BLMH: variants seen among roughly 807,000 people sequenced by gnomAD.
BLMH encodes BLM hydrolase.
Under a neutral mutation model 61.6 loss-of-function variants are expected in BLMH, and 32 were observed. The observed-to-expected ratio is 0.52, with a 90% confidence interval of 0.39 to 0.70. The LOEUF (loss-of-function observed/expected upper bound fraction) is 0.70. Ranked by LOEUF, BLMH falls within the 30% of genes least tolerant of loss-of-function variation. BLMH has a pLI of 0.00. For missense variants in BLMH, 460 were observed against 555.5 expected, an observed-to-expected ratio of 0.83 and a Z score of 1.73; for synonymous variants, 183 against 193.8, an observed-to-expected ratio of 0.94 and a Z score of 0.46.
intron 11 of BLMH, among the ~76,000 whole-genome samples, chr17:30,256,086 G>A (rs1380770198): frequency 6.6e-6 from 1 of 152,046 alleles, no homozygotes; most frequent in African/African-American, 2.4e-5. Flanking sequence ...GGGGTCTTAC[G>A]ATGTTGCCCA....
In BLMH at chr17:30,262,961, C is replaced by G. The variant is rs77539784; in HGVS notation, c.1216+3924G>C. Among the ~76,000 whole-genome samples, 793 of 152,326 alleles carry G rather than the reference C, an allele frequency of 5.2e-3. 10 individuals are homozygous for G. The highest frequency in any genetic ancestry group is 0.018 in the African/African-American group (742 of 41,566). ...CTCACAGAATGCCCCAATCTCCACT[C>G]TTTACTCAGATTCCCAGCCACAAAT... On this transcript the variant is annotated intron_variant, in intron 11 of 11. Coordinates refer to ENST00000261714, the MANE Select transcript of BLMH (RefSeq NM_000386.4).
chr17:30,285,458 A>G lies in BLMH; in HGVS notation c.575T>C (p.Leu192Pro). Residue 192 changes from leucine to proline, a missense_variant, in exon 6 of 12, where the codon CTG (leucine) becomes CCG (proline). Coordinates refer to ENST00000261714, the MANE Select transcript of BLMH (RefSeq NM_000386.4). ...TGCTCCACTGTGTACCAGGTTCCGC[A>G]GTCGTATACAGAATTCTCTCATCTA... ...NHKMREFCIRLRNLVHSGATK... is the reference protein window; with the variant it reads ...NHKMREFCIRPRNLVHSGATK... 6.2e-7 allele frequency: 1 copy of G among 1,611,956 alleles called. No individual in the cohort carries two copies. Among genetic ancestry groups the G allele is most frequent in the Non-Finnish European group, 8.5e-7 (1 of 1,178,968 alleles).
intron 11 of BLMH, among the ~76,000 whole-genome samples, chr17:30,256,421 C>G (rs969655927): frequency 6.6e-6 from 1 of 152,240 alleles, no homozygotes; most frequent in South Asian, 2.1e-4. Context: ...CTCTGCCTCC[C>G]GGGTTCAGGT....
rs751251058 is a variant in BLMH at position 30,287,809 on chromosome 17, C to A, written c.460G>T (p.Val154Phe). 1.2e-6 allele frequency: 2 copies of A among 1,613,324 alleles called. No homozygotes were observed. Among genetic ancestry groups the A allele is most frequent in the South Asian group, 1.1e-5 (1 of 90,858 alleles). ...CCATTAAAGAAAGAACTTTTACCAA[C>A]AATATTAACAAGCATATCCCATTGG... Reference protein sequence around the residue: ...GGQWDMLVNIVEKYGVIPKKC... With the variant: ...GGQWDMLVNIFEKYGVIPKKC... Residue 154 changes from valine (V) to phenylalanine (F), a missense_variant, in exon 4 of 12, where the codon GTT (valine) becomes TTT (phenylalanine). Val to Phe is a conservative substitution (Grantham distance 50). This residue lies in a region of BLMH where 310 missense variants were observed against 371.1 expected (regional missense o/e 0.84). Coordinates refer to ENST00000261714, the MANE Select transcript of BLMH (RefSeq NM_000386.4).
intron 3 of BLMH, among the ~76,000 whole-genome samples, 162 bp downstream of exon 3, chr17:30,289,211 G>T (rs1908815313): frequency 6.6e-6 from 1 of 152,036 alleles, no homozygotes; most frequent in African/African-American, 2.4e-5. Context: ...AAACAGTTCT[G>T]CCTTTGAAAG....
At chr17:30,255,314 C>T (rs951204105) in intron 11 of BLMH, among the ~76,000 whole-genome samples, 1 of 152,064 alleles carries the variant, frequency 6.6e-6, no homozygotes, top group Non-Finnish European at 1.5e-5. Context: ...AGCTTAGGGG[C>T]GATGGGCTAT....
chr17:30,276,482 A>C (rs1465045229), intron 6 of BLMH, among the ~76,000 whole-genome samples: 1 of 151,102 alleles, frequency 6.6e-6, no homozygotes, highest in Non-Finnish European at 1.5e-5. Context: ...TCTTAAAGAT[A>C]AGAACCAGAT....
At chr17:30,275,640 C>A (rs1283944078) in intron 6 of BLMH, among the ~76,000 whole-genome samples, 1 of 151,810 alleles carries the variant, frequency 6.6e-6, no homozygotes, top group African/African-American at 2.4e-5. Flanking sequence ...GAGCCGAGAT[C>A]ATGCCATTGC....
At chr17:30,287,986 A>C in intron 3 of BLMH, 39 bp from the exon 4 acceptor site, 1 of 1,566,450 alleles carries the variant, frequency 6.4e-7, no homozygotes, top group Non-Finnish European at 8.7e-7. Flanking sequence ...TAAAAGAAAA[A>C]AGTGTCAATA....
At position 30,291,407 on chromosome 17, in the gene BLMH, T is replaced by C. The variant is rs1028668832; in HGVS notation, c.115A>G (p.Ile39Val). ...TGCACCGTGGCCCGCTTCAGACAGA[T>C]GTCCAGCAGGTCGTGGGTGGTCCCG... ...NVGTTHDLLD[I>V]CLKRATVQRA... Residue 39 changes from isoleucine (I) to valine (V), a missense_variant, in exon 2 of 12, where the codon ATC becomes GTC. Around this residue, in one of 5 missense-constraint regions of BLMH, gnomAD observed 86 missense variants for 84.5 expected, o/e 1.02. Transcript: ENST00000261714. 1.9e-6 allele frequency: 3 copies of C among 1,614,034 alleles called. No homozygotes were observed. In the African/African-American group the frequency reaches 4.0e-5, roughly 22 times the overall value.
At chr17:30,284,328 G>C (rs116884396) in intron 6 of BLMH, among the ~76,000 whole-genome samples, 1 of 152,206 alleles carries the variant, frequency 6.6e-6, no homozygotes, top group African/African-American at 2.4e-5. Flanking sequence ...AAAGTAATGA[G>C]AAGACTAGAG....
At chr17:30,273,840 G>C in intron 7 of BLMH, 1 of 632,462 alleles carries the variant, frequency 1.6e-6, no homozygotes, top group Non-Finnish European at 2.7e-6. Context: ...TCTCTGAAGA[G>C]GAACATTGTG....
intron 7 of BLMH, chr17:30,273,171 T>A (rs1597663036): frequency 3.4e-6 from 1 of 294,354 alleles, no homozygotes; most frequent in East Asian, 6.5e-5. Flanking sequence ...AGCAATTTTT[T>A]TTTTTTTTTT....
At chr17:30,271,240 A>G in intron 10 of BLMH, 31 bp downstream of exon 10, 1 of 1,476,796 alleles carries the variant, frequency 6.8e-7, no homozygotes, top group South Asian at 1.1e-5. Flanking sequence ...CATCTGTGCA[A>G]ACACTCCAGC....
intron 11 of BLMH, among the ~76,000 whole-genome samples, chr17:30,255,695 G>A (rs924201924): frequency 4.6e-5 from 7 of 152,110 alleles, no homozygotes; most frequent in Admixed American, 2.0e-4. Context: ...TCAGGAGTTC[G>A]AGACCAGCCT....
chr17:30,256,585 C>T (rs576481547), intron 11 of BLMH, among the ~76,000 whole-genome samples: 1 of 152,328 alleles, frequency 6.6e-6, no homozygotes, highest in African/African-American at 2.4e-5. Context: ...CCACCTCGGC[C>T]TCCCAAAGTG....
At chr17:30,254,488 T>C (rs188032265) in intron 11 of BLMH, among the ~76,000 whole-genome samples, 3 of 152,270 alleles carry the variant, frequency 2.0e-5, no homozygotes, top group Non-Finnish European at 2.9e-5. Context: ...TATAATGAAG[T>C]TGCAAAGACT....
intron 11 of BLMH, among the ~76,000 whole-genome samples, chr17:30,260,024 G>A (rs1907915151): frequency 6.6e-6 from 1 of 152,154 alleles, no homozygotes; most frequent in Non-Finnish European, 1.5e-5. Flanking sequence ...TCAGTCTATA[G>A]ATAACATTAA....
chr17:30,276,575 A>G lies in BLMH; in HGVS notation c.646-2378T>C, dbSNP rs28591463. ...CACCAGTTGATCTGAACATTGTTCC[A>G]TTCTCCATATCACCACAGGAGAATT... On this transcript the variant is annotated intron_variant, in intron 6 of 11. Transcript: ENST00000261714. 4.5e-3 allele frequency among the ~76,000 whole-genome samples: 678 copies of G among 152,318 alleles called. 7 individuals carry two copies. The highest frequency in any genetic ancestry group is 0.015 in the African/African-American group (637 of 41,576).
Sources: allele counts gnomAD v4.1 joint callset (sites outside exome capture counted in the v4.1 genomes callset), GRCh38; gene constraint gnomAD v4.1.1; regional missense constraint gnomAD v4.1.1; transcripts MANE v1.5; gene names NCBI Gene and HGNC (gene_info 2026-07-23, HGNC 2026-07-21).